Variants in GLIS3 observed in about 807,000 individuals in gnomAD.
GLIS3 encodes the protein GLIS family zinc finger 3, also known as zinc finger protein GLIS3.
Under a neutral mutation model 78.6 loss-of-function variants are expected in GLIS3, and 53 were observed. That is an observed-to-expected ratio of 0.67 (90% CI 0.54 to 0.85). The LOEUF (loss-of-function observed/expected upper bound fraction) is 0.85, where lower values mean the gene tolerates loss of function less well. Among genes scored for constraint, GLIS3 ranks in the 40% least tolerant of loss-of-function variants. The pLI is 0.00. For synonymous variants in GLIS3, 684 were observed against 509.9 expected (o/e 1.34, Z -4.60); for missense variants, 1,703 against 1,231.1 (o/e 1.38, Z -5.74).
rs541143653 is a variant in GLIS3, at chr9:4,176,461, A to C, written c.389-50520T>G. Reference sequence around the variant, plus strand: ...TTAAAATTATTTTAACACTTCTTGAAAACTATTTGTAGACTTAATTTTAAT... The same window carrying C: ...TTAAAATTATTTTAACACTTCTTGACAACTATTTGTAGACTTAATTTTAAT... On this transcript the variant is annotated intron_variant, in intron 2 of 10. Coordinates refer to ENST00000381971, the MANE Select transcript of GLIS3 (RefSeq NM_001042413.2). Among the ~76,000 whole-genome samples the C allele has an allele frequency of 9.9e-5, 15 of 152,236 alleles. No homozygotes were observed. The East Asian group carries it at 2.9e-3, about 29-fold the overall frequency.
chr9:4,218,781 T>C (rs1479338588), intron 2 of GLIS3, among the ~76,000 whole-genome samples: 1 of 152,212 alleles, frequency 6.6e-6, no homozygotes, highest in Non-Finnish European at 1.5e-5. Flanking sequence ...CTCTCAGTCA[T>C]CATCACCTTT....
intron 4 of GLIS3, among the ~76,000 whole-genome samples, chr9:4,087,710 T>C (rs1483870497): frequency 3.9e-5 from 6 of 152,126 alleles, no homozygotes; most frequent in Non-Finnish European, 8.8e-5. Flanking sequence ...TGAAAAAATA[T>C]TCATTGAGTA....
chr9:4,142,546 T>C (rs2791755), intron 2 of GLIS3, among the ~76,000 whole-genome samples: 151,689 of 152,340 alleles, frequency 1, 75,523 homozygotes, highest in East Asian at 1. Context: ...CTAAACATTC[T>C]GTAGCAAAAC....
chr9:4,278,250 C>T (rs1365479618), intron 2 of GLIS3, among the ~76,000 whole-genome samples: 1 of 152,182 alleles, frequency 6.6e-6, no homozygotes, highest in Non-Finnish European at 1.5e-5. Context: ...AAAAGGCTTA[C>T]AAGCAATGAC....
chr9:3,878,174 A>T (rs533759120), intron 8 of GLIS3, among the ~76,000 whole-genome samples: 2 of 151,986 alleles, frequency 1.3e-5, no homozygotes, highest in African/African-American at 4.8e-5. Flanking sequence ...CAATGCCTAC[A>T]TCACTGTGTC....
chr9:4,214,283 TTC>T (rs1384164445), intron 2 of GLIS3, among the ~76,000 whole-genome samples: 1 of 152,244 alleles, frequency 6.6e-6, no homozygotes, highest in East Asian at 1.9e-4. Context: ...TTGACCCATA[TTC>T]TGTTTCAAAG....
At chr9:4,321,400 C>T (rs532858219) in intron 2 of GLIS3, among the ~76,000 whole-genome samples, 40 of 91,658 alleles carry the variant, frequency 4.4e-4, no homozygotes, top group Admixed American at 9.9e-4. Flanking sequence ...CCAGCCTGGG[C>T]CACAGAGCTA....
chr9:4,242,877 T>G (rs1823447935), intron 2 of GLIS3, among the ~76,000 whole-genome samples: 1 of 152,230 alleles, frequency 6.6e-6, no homozygotes, highest in Non-Finnish European at 1.5e-5. Flanking sequence ...CATTTTACTT[T>G]TTTAATGTGG....
the GLIS3 span, among the ~76,000 whole-genome samples, chr9:4,435,618 T>A: frequency 2.5e-4 from 38 of 152,354 alleles, no homozygotes; most frequent in African/African-American, 8.4e-4. Flanking sequence ...TATATTTAAA[T>A]CTCTGCAAAG....
chr9:4,468,095 G>A, the GLIS3 span, among the ~76,000 whole-genome samples: 110,538 of 152,048 alleles, frequency 0.73, 40,521 homozygotes, highest in Middle Eastern at 0.84. Flanking sequence ...GAGAAAAAAG[G>A]GAAAAAAGAA....
chr9:3,925,378 A>T (rs1368273464), intron 6 of GLIS3, among the ~76,000 whole-genome samples: 1 of 152,174 alleles, frequency 6.6e-6, no homozygotes, highest in East Asian at 1.9e-4. Flanking sequence ...CAGAGCTGGC[A>T]TGGGCCTCGC....
At chr9:4,175,598 G>C (rs1407300188) in intron 2 of GLIS3, among the ~76,000 whole-genome samples, 1 of 152,096 alleles carries the variant, frequency 6.6e-6, no homozygotes, top group South Asian at 2.1e-4. Flanking sequence ...TACTCTCCTG[G>C]CAATGCTGGA....
In GLIS3 at chr9:4,118,581, C is replaced by T; in HGVS notation, c.897G>A (p.Lys299=). The part of the protein sequence containing the change: ...SSTRSHSARS[K]KRALSLSPLS... ...GCGGGGACAAGGACAGCGCTCTCTT[C>T]TTGGAGCGGGCCGAGTGGGACCTGG... The change falls in exon 4 of 11, where the codon AAG becomes AAA. Residue 299 remains lysine, a synonymous_variant. Coordinates refer to ENST00000381971, the MANE Select transcript of GLIS3 (RefSeq NM_001042413.2). This position sits in a 1 kb window ranked among gnomAD's most constrained non-coding sequence, Gnocchi z 4.7. 2 of 1,614,246 alleles carry T rather than the reference C, an allele frequency of 1.2e-6. No individual in the cohort carries two copies. The highest frequency in any genetic ancestry group is 1.7e-6 in the Non-Finnish European group (2 of 1,180,038).
At chr9:3,829,254 A>C (rs1817902061) in intron 10 of GLIS3, 56 bp downstream of exon 10, 1 of 1,545,232 alleles carries the variant, frequency 6.5e-7, no homozygotes, top group East Asian at 2.3e-5. Flanking sequence ...CGGGCAGCCC[A>C]CCTGGTCTCT....
intron 4 of GLIS3, among the ~76,000 whole-genome samples, chr9:4,105,005 C>T (rs1192689176): frequency 6.6e-6 from 1 of 152,090 alleles, no homozygotes; most frequent in Non-Finnish European, 1.5e-5. Flanking sequence ...ACATGCACAC[C>T]TATAATTAGA....
chr9:3,933,261 T>C (rs1005613601), intron 5 of GLIS3, among the ~76,000 whole-genome samples: 2 of 152,114 alleles, frequency 1.3e-5, no homozygotes, highest in African/African-American at 2.4e-5. Context: ...CTGCAACCTC[T>C]GCCTCCTGGG....
intron 2 of GLIS3, among the ~76,000 whole-genome samples, chr9:4,196,230 C>G (rs1264294722): frequency 1.3e-5 from 2 of 152,158 alleles, no homozygotes; most frequent in African/African-American, 4.8e-5. Flanking sequence ...GTATCTAGCT[C>G]AAGGTTTGTA....
chr9:4,075,687 G>C (rs1324675531), intron 4 of GLIS3, among the ~76,000 whole-genome samples: 1 of 152,054 alleles, frequency 6.6e-6, no homozygotes. Context: ...ATTCAAAATA[G>C]CTCAAAACCA....
At chr9:3,896,697 A>G (rs1822868473) in intron 7 of GLIS3, among the ~76,000 whole-genome samples, 1 of 140,080 alleles carries the variant, frequency 7.1e-6, no homozygotes, top group South Asian at 2.5e-4. Flanking sequence ...AGAGAGGGTA[A>G]ACTTTCACAG....
Sources: allele counts gnomAD v4.1 joint callset (sites outside exome capture counted in the v4.1 genomes callset), GRCh38; gene constraint gnomAD v4.1.1; non-coding constraint Gnocchi (gnomAD v3.1); transcripts MANE v1.5; gene names NCBI Gene and HGNC (gene_info 2026-07-23, HGNC 2026-07-21).